The following DGKI variants were observed in gnomAD, a reference collection of about 807,000 sequenced individuals.
The protein encoded by DGKI is diacylglycerol kinase iota.
A neutral mutation model predicts 147.5 loss-of-function variants in DGKI; 55 were observed. The ratio of observed to expected loss-of-function variants is 0.37; its 90% CI spans 0.30 to 0.47. DGKI has a LOEUF of 0.47. Ranked by LOEUF, DGKI falls within the 20% of genes least tolerant of loss-of-function variation. The pLI, the probability that DGKI is intolerant of heterozygous loss-of-function variation, is 1.00. For missense variants in DGKI, 1,007 were observed against 1,323.8 expected, an observed-to-expected ratio of 0.76 and a Z score of 3.71; for synonymous variants, 469 against 477.1, an observed-to-expected ratio of 0.98 and a Z score of 0.22.
At chr7:137,444,323 G>A (rs1274225307) in intron 27 of DGKI, among the ~76,000 whole-genome samples, 1 of 152,118 alleles carries the variant, frequency 6.6e-6, no homozygotes, top group African/African-American at 2.4e-5. Flanking sequence ...ATCAGTCTAT[G>A]CATGGTGTCC....
At chr7:137,772,434 T>C (rs544582383) in intron 1 of DGKI, among the ~76,000 whole-genome samples, 1 of 152,210 alleles carries the variant, frequency 6.6e-6, no homozygotes, top group African/African-American at 2.4e-5. Context: ...ACTCAAGAGA[T>C]TGCACTTAAA....
intron 5 of DGKI, 105 bp from the exon 6 acceptor site, chr7:137,645,642 C>A (rs1489774877): frequency 9.5e-7 from 1 of 1,053,282 alleles, no homozygotes; most frequent in Non-Finnish European, 1.3e-6. Context: ...TCATAGTTCA[C>A]TGCAGCCTCG....
intron 28 of DGKI, among the ~76,000 whole-genome samples, chr7:137,426,153 G>T (rs923819041): frequency 2.0e-5 from 3 of 152,336 alleles, no homozygotes; most frequent in Admixed American, 6.5e-5. Context: ...CAGAGAGGCA[G>T]GTTGGGTTAC....
intron 27 of DGKI, among the ~76,000 whole-genome samples, chr7:137,446,253 T>C (rs891627335): frequency 2.0e-5 from 3 of 152,244 alleles, no homozygotes; most frequent in Admixed American, 1.3e-4. Context: ...AGGGGACGCA[T>C]TCTGCAGTAT....
intron 9 of DGKI, 24 bp from the exon 10 acceptor site, chr7:137,609,088 T>C: frequency 6.3e-7 from 1 of 1,588,082 alleles, no homozygotes. Flanking sequence ...TCAGCACTGT[T>C]AGGATACACA....
At chr7:137,701,094 C>A (rs781360564) in intron 1 of DGKI, among the ~76,000 whole-genome samples, 1 of 151,922 alleles carries the variant, frequency 6.6e-6, no homozygotes, top group Non-Finnish European at 1.5e-5. Flanking sequence ...CCCTACCTCA[C>A]TAGCAACTAA....
At chr7:137,526,722 C>T (rs1210131738) in intron 20 of DGKI, among the ~76,000 whole-genome samples, 1 of 152,154 alleles carries the variant, frequency 6.6e-6, no homozygotes, top group Non-Finnish European at 1.5e-5. Context: ...ATTCTCTGCT[C>T]TCCTGTAGAT....
chr7:137,599,920 T>C lies in DGKI; in HGVS notation c.1168-15A>G, dbSNP rs1482302298. ...ACTTTGGTTCCCTGTAAAAAATAAA[T>C]ACACAAAAAGGCAATAATAGGAAGA... On this transcript the variant is annotated splice_polypyrimidine_tract_variant and intron_variant, in intron 10 of 32. Transcript: ENST00000614521. 6.2e-7 allele frequency: 1 copy of C among 1,605,340 alleles called. No homozygotes were observed. The highest frequency in any genetic ancestry group is 8.5e-7 in the Non-Finnish European group (1 of 1,172,720).
rs547661577 is a variant in DGKI at position 137,454,127 on chromosome 7, T to G, written c.2735+9362A>C. Among the ~76,000 whole-genome samples the G allele has an allele frequency of 2.0e-4, 30 of 152,300 alleles. No homozygotes were observed. In the South Asian group the frequency reaches 5.8e-3, roughly 29 times the overall value. On this transcript the variant is annotated intron_variant, in intron 27 of 32. Coordinates refer to ENST00000614521, the MANE Select transcript of DGKI (RefSeq NM_001321708.2). Reference sequence around the variant, plus strand: ...TAAAAAATGCACAGAGAGTGCATATTAAGTGTCCTCACCACAAAAATAACT... The same window carrying G: ...TAAAAAATGCACAGAGAGTGCATATGAAGTGTCCTCACCACAAAAATAACT...
intron 6 of DGKI, among the ~76,000 whole-genome samples, chr7:137,642,924 G>C (rs918273369): frequency 7.3e-6 from 1 of 137,082 alleles, no homozygotes; most frequent in African/African-American, 2.8e-5. Flanking sequence ...AGTAAATTAT[G>C]GAATAGTGTG....
intron 1 of DGKI, among the ~76,000 whole-genome samples, chr7:137,698,145 A>AATATAT (rs147250252): frequency 6.8e-6 from 1 of 147,728 alleles, no homozygotes; most frequent in African/African-American, 2.5e-5. Flanking sequence ...TATAACTCCA[A>AATATAT]ATATATATAT....
In DGKI at chr7:137,595,831, G is replaced by A. The variant is rs554610091; in HGVS notation, c.1311+2016C>T. 1.8e-3 allele frequency among the ~76,000 whole-genome samples: 272 copies of A among 151,056 alleles called. 2 individuals are homozygous for A. The highest frequency in any genetic ancestry group is 3.2e-3 in the Non-Finnish European group (215 of 67,670). On this transcript the variant is annotated intron_variant, in intron 12 of 32. Transcript: ENST00000614521. The stretch of plus-strand genomic sequence containing the variant: ...ATCCTGGCTAACACGGTGAAACATC[G>A]TCTCTACTAAAAATACAAAAATTAG...
chr7:137,659,877 G>T (rs1295458130), intron 3 of DGKI, among the ~76,000 whole-genome samples: 1 of 152,194 alleles, frequency 6.6e-6, no homozygotes, highest in Non-Finnish European at 1.5e-5. Context: ...AGCTTGCAGT[G>T]AGCCGAGATC....
At chr7:137,623,902 A>G (rs985486204) in intron 6 of DGKI, among the ~76,000 whole-genome samples, 2 of 152,148 alleles carry the variant, frequency 1.3e-5, no homozygotes, top group Admixed American at 1.3e-4. Flanking sequence ...ATTGGTTCAC[A>G]TGGTCTTGTC....
chr7:137,545,806 G>T (rs985873675), intron 20 of DGKI: 1 of 576,228 alleles, frequency 1.7e-6, no homozygotes, highest in South Asian at 2.3e-5. Flanking sequence ...CTTATCTGAC[G>T]AACAGACCTG....
chr7:137,551,340 T>G (rs1213913869), intron 20 of DGKI, among the ~76,000 whole-genome samples: 1 of 152,152 alleles, frequency 6.6e-6, no homozygotes, highest in Admixed American at 6.5e-5. Context: ...CCTGTGTTGC[T>G]GGCTATTGTA....
intron 1 of DGKI, among the ~76,000 whole-genome samples, chr7:137,716,033 T>G (rs1360909474): frequency 1.3e-5 from 2 of 152,114 alleles, no homozygotes; most frequent in African/African-American, 2.4e-5. Context: ...AAACAAGGCA[T>G]GAAGGTGGAT....
chr7:137,664,504 A>G (rs546875612), intron 3 of DGKI, among the ~76,000 whole-genome samples: 99 of 152,326 alleles, frequency 6.5e-4, no homozygotes, highest in African/African-American at 2.4e-3. Flanking sequence ...CACAAATCAG[A>G]TATCTTCTGG....
intron 21 of DGKI, among the ~76,000 whole-genome samples, chr7:137,497,371 A>G (rs1166094520): frequency 1.3e-5 from 2 of 152,202 alleles, no homozygotes; most frequent in African/African-American, 4.8e-5. Flanking sequence ...GCCATTGTGG[A>G]AAGCAGTTTG....
Sources: gnomAD v4.1 joint callset for allele counts (sites outside exome capture counted in the v4.1 genomes callset) on GRCh38, gnomAD v4.1.1 for gene constraint, MANE v1.5 for transcripts, NCBI Gene and HGNC (gene_info 2026-07-23, HGNC 2026-07-21) for gene names.